The following SLC26A9 variants were observed in gnomAD, a reference collection of about 807,000 sequenced individuals.
The protein encoded by SLC26A9 is anion transporter/exchanger protein 9.
In SLC26A9, 46 loss-of-function variants were observed where a neutral mutation model predicts 87.1. The ratio of observed to expected loss-of-function variants is 0.53; its 90% CI spans 0.42 to 0.67. SLC26A9 has a LOEUF of 0.67. Among genes scored for constraint, SLC26A9 ranks in the 30% least tolerant of loss-of-function variants. The pLI, the probability that SLC26A9 is intolerant of heterozygous loss-of-function variation, is 0.00. For synonymous variants in SLC26A9, 437 were observed against 409.1 expected (o/e 1.07, Z -0.82); for missense variants, 927 against 1,018.3 (o/e 0.91, Z 1.22).
At chr1:205,928,767 T>C in intron 8 of SLC26A9, 60 bp downstream of exon 8, 1 of 1,526,186 alleles carries the variant, frequency 6.6e-7, no homozygotes, top group Non-Finnish European at 9.1e-7. Flanking sequence ...CTCTCCGAGC[T>C]CAGGCCTTAG....
intron 19 of SLC26A9, among the ~76,000 whole-genome samples, chr1:205,917,562 G>A (rs1658647496): frequency 6.6e-6 from 1 of 152,114 alleles, no homozygotes; most frequent in Non-Finnish European, 1.5e-5. Context: ...GTGTATCGCG[G>A]TCTTCCCTCC....
chr1:205,922,997 G>A, intron 16 of SLC26A9, 85 bp downstream of exon 16: 1 of 1,322,116 alleles, frequency 7.6e-7, no homozygotes, highest in Non-Finnish European at 1.1e-6. Context: ...GGGAAGCGGG[G>A]CCCCCAGGGT....
intron 6 of SLC26A9, 41 bp downstream of exon 6, chr1:205,929,851 G>A (rs1659233630): frequency 5.8e-6 from 9 of 1,553,272 alleles, no homozygotes; most frequent in Non-Finnish European, 7.9e-6. Context: ...TGTGTCTGCT[G>A]GAGCCTTGCT....
At chr1:205,915,536 G>GTGTGTC (rs1658556407) in intron 20 of SLC26A9, 132 bp from the exon 21 acceptor site, 1 of 1,210,758 alleles carries the variant, frequency 8.3e-7, no homozygotes, top group African/African-American at 1.5e-5. Flanking sequence ...GTGTGTGTGT[G>GTGTGTC]TGTGTGTGTG....
chr1:205,938,700 C>T (rs767965663), intron 1 of SLC26A9, among the ~76,000 whole-genome samples: 18 of 152,174 alleles, frequency 1.2e-4, no homozygotes, highest in Non-Finnish European at 1.9e-4. Context: ...TGAAGTTCCT[C>T]CTCCAACCCT....
chr1:205,928,145 T>G, intron 8 of SLC26A9, 96 bp from the exon 9 acceptor site: 1 of 1,441,228 alleles, frequency 6.9e-7, no homozygotes, highest in Non-Finnish European at 9.3e-7. Flanking sequence ...CAGGCCCCCA[T>G]GGTGTGCCGG....
chr1:205,928,965 CGTCTCTCTCAA>C, intron 7 of SLC26A9, 56 bp from the exon 8 acceptor site: 1 of 1,595,928 alleles, frequency 6.3e-7, no homozygotes, highest in South Asian at 1.1e-5. Context: ...CCAGGGCAGG[CGTCTCTCTCAA>C]GTCTCCCTTT....
intron 1 of SLC26A9, among the ~76,000 whole-genome samples, chr1:205,940,417 G>A (rs1187827034): frequency 8.2e-6 from 1 of 122,290 alleles, no homozygotes; most frequent in Non-Finnish European, 1.7e-5. Flanking sequence ...GATGGGCTTG[G>A]GCAGAGATGG....
intron 1 of SLC26A9, among the ~76,000 whole-genome samples, chr1:205,941,327 C>A (rs181706377): frequency 6.6e-6 from 1 of 152,046 alleles, no homozygotes; most frequent in Non-Finnish European, 1.5e-5. Context: ...CGCCATGACA[C>A]CCAGCTAATA....
At chr1:205,925,201 A>G (rs1659016005) in intron 12 of SLC26A9, among the ~76,000 whole-genome samples, 1 of 152,220 alleles carries the variant, frequency 6.6e-6, no homozygotes, top group Non-Finnish European at 1.5e-5. Context: ...CTAGTGATGG[A>G]TGCTCAGTAG....
chr1:205,942,439 TG>T (rs928493461), intron 1 of SLC26A9, among the ~76,000 whole-genome samples: 15 of 152,118 alleles, frequency 9.9e-5, no homozygotes, highest in African/African-American at 2.4e-4. Context: ...TCTGCCCACT[TG>T]GGGGGCTGCG....
chr1:205,928,532 A>G (rs1659174056), intron 8 of SLC26A9: 1 of 511,294 alleles, frequency 2.0e-6, no homozygotes, highest in African/African-American at 1.9e-5. Context: ...AATGCATTAG[A>G]GCAAGGCAAA....
intron 4 of SLC26A9, among the ~76,000 whole-genome samples, 156 bp from the exon 5 acceptor site, chr1:205,932,191 C>A (rs1265551416): frequency 6.6e-6 from 1 of 152,258 alleles, no homozygotes; most frequent in Non-Finnish European, 1.5e-5. Flanking sequence ...CTCACTCTAA[C>A]CATGATCTAT....
chr1:205,941,166 GT>G (rs974077440), intron 1 of SLC26A9, among the ~76,000 whole-genome samples: 112 of 152,084 alleles, frequency 7.4e-4, no homozygotes, highest in African/African-American at 2.5e-3. Context: ...TGTTTGTTTT[GT>G]TTTTTTGTTT....
At chr1:205,915,612 C>T (rs932437781) in intron 20 of SLC26A9, among the ~76,000 whole-genome samples, 1 of 151,866 alleles carries the variant, frequency 6.6e-6, no homozygotes, top group Non-Finnish European at 1.5e-5. Context: ...TCCAGCGTGG[C>T]AGGAGCAGGT....
chr1:205,932,322 C>G (rs1659339422), intron 4 of SLC26A9, among the ~76,000 whole-genome samples: 1 of 152,230 alleles, frequency 6.6e-6, no homozygotes, highest in Admixed American at 6.5e-5. Context: ...TGTGACCAGG[C>G]TTTCCTCCAT....
Position 205,914,931 on chromosome 1 carries a change from G to T in SLC26A9, c.*426C>A. ...GCCTGACACCATCTGACACCGAGCC[G>T]TGTGGGCTCTGGGACACTTTTTGAA... On this transcript the variant is annotated 3_prime_UTR_variant, in exon 21 of 21. Coordinates refer to ENST00000367135, the MANE Select transcript of SLC26A9 (RefSeq NM_052934.4). 3 of 1,614,090 alleles carry T rather than the reference G, an allele frequency of 1.9e-6. No homozygotes were observed. Among genetic ancestry groups the T allele is most frequent in the Non-Finnish European group, 2.5e-6 (3 of 1,179,982 alleles).
intron 4 of SLC26A9, 116 bp downstream of exon 4, chr1:205,932,586 C>A: frequency 1.2e-6 from 1 of 850,136 alleles, no homozygotes; most frequent in South Asian, 2.1e-5. Flanking sequence ...TCCCCTAGGA[C>A]TGACCAGGAA....
Position 205,927,548 on chromosome 1 carries a change from T to C in SLC26A9, c.1159A>G (p.Ile387Val). Residue 387 changes from isoleucine (I) to valine (V), a missense_variant, in exon 10 of 21, where the codon ATT becomes GTT. Physicochemically the swap from Ile to Val is conservative, Grantham distance 29. Transcript: ENST00000367135. The part of the protein sequence containing the change: ...FFGSFFKIHV[I>V]CCALSVTLAV... ...AGAGTGACAGAAAGCGCACAGCAAA[T>C]GACATGAATTTTAAAGAAGGAGCCA... is the stretch of plus-strand genomic sequence containing the variant. The C allele has an allele frequency of 6.2e-7, 1 of 1,613,748 alleles. No homozygotes were observed. The highest frequency in any genetic ancestry group is 8.5e-7 in the Non-Finnish European group (1 of 1,179,970).
Sources: gnomAD v4.1 joint callset for allele counts (sites outside exome capture counted in the v4.1 genomes callset) on GRCh38, gnomAD v4.1.1 for gene constraint, MANE v1.5 for transcripts, NCBI Gene and HGNC (gene_info 2026-07-23, HGNC 2026-07-21) for gene names.